The following ZRANB1 variants were observed in gnomAD, a reference collection of about 807,000 sequenced individuals.
ZRANB1 encodes the protein zinc finger RANBP2-type containing 1.
In ZRANB1, 16 loss-of-function variants were observed where a neutral mutation model predicts 80.5. The observed-to-expected ratio is 0.20, with a 90% CI of 0.13 to 0.30. The LOEUF (loss-of-function observed/expected upper bound fraction) is 0.30. Among genes scored for constraint, ZRANB1 ranks in the 10% least tolerant of loss-of-function variants. The pLI is 1.00. For synonymous variants in ZRANB1, 291 were observed against 293.1 expected (o/e 0.99, Z 0.07); for missense variants, 576 against 862.6 (o/e 0.67, Z 4.16).
chr10:124,973,496 A>G (rs1589853206), intron 3 of ZRANB1, 149 bp from the exon 4 acceptor site: 1 of 656,204 alleles, frequency 1.5e-6, no homozygotes, highest in East Asian at 2.8e-5. Context: ...TTACACTGGT[A>G]TATTAAGAAA....
Position 124,966,692 on chromosome 10 carries a change from C to T in ZRANB1, c.913C>T (p.Arg305Cys), listed in dbSNP as rs1330530753. The T allele has an allele frequency of 2.5e-6, 4 of 1,614,024 alleles. No homozygotes were observed. Among genetic ancestry groups the T allele is most frequent in the Non-Finnish European group, 3.4e-6 (4 of 1,180,028 alleles). Reference sequence around the variant, plus strand: ...CGCAGATGAAGTACGCTTGCTGAATCGTCCTTCTGCCTTTGATGTTGGCTA... The same window carrying T: ...CGCAGATGAAGTACGCTTGCTGAATTGTCCTTCTGCCTTTGATGTTGGCTA... The part of the protein sequence containing the change: ...LTADEVRLLN[R>C]PSAFDVGYTL... The change falls in exon 2 of 9, where the codon CGT becomes TGT. Residue 305 changes from arginine (R) to cysteine (C), a missense_variant. Physicochemically the swap from Arg to Cys is radical, Grantham distance 180. Coordinates refer to ENST00000359653, the MANE Select transcript of ZRANB1 (RefSeq NM_017580.3).
In ZRANB1 at chr10:124,983,108, G is replaced by T. The variant is rs927828126; in HGVS notation, c.1549-67G>T. On this transcript the variant is annotated intron_variant, in intron 6 of 8. Coordinates refer to ENST00000359653, the MANE Select transcript of ZRANB1 (RefSeq NM_017580.3). The surrounding 1 kb of genome is among the most constrained non-coding windows in gnomAD (Gnocchi z 6.2). ...AGTATACTGAAGGGGAGGTAGTATT[G>T]TTTTTTACACATCAGTTTTCCAGGA... is the stretch of plus-strand genomic sequence containing the variant. 2 of 1,536,820 alleles carry T rather than the reference G, an allele frequency of 1.3e-6. No homozygotes were observed. Among genetic ancestry groups the T allele is most frequent in the Non-Finnish European group, 1.8e-6 (2 of 1,141,208 alleles).
intron 1 of ZRANB1, chr10:124,945,477 T>G (rs180892479): frequency 1.1e-4 from 16 of 147,372 alleles, no homozygotes; most frequent in African/African-American, 3.8e-4. Context: ...CAAGGTGGTG[T>G]TATAGTACAT....
chr10:124,963,984 G>C (rs965165008), intron 1 of ZRANB1, among the ~76,000 whole-genome samples: 1 of 152,208 alleles, frequency 6.6e-6, no homozygotes, highest in Non-Finnish European at 1.5e-5. Context: ...ATTTCGTGCT[G>C]TCAAAAACTG....
At chr10:124,924,095 G>T in the ZRANB1 span, among the ~76,000 whole-genome samples, 1 of 150,962 alleles carries the variant, frequency 6.6e-6, no homozygotes. Context: ...TTTGAGATGG[G>T]GTCTTGGTAC....
chr10:124,974,983 A>G (rs1379511020), intron 5 of ZRANB1, among the ~76,000 whole-genome samples: 1 of 152,148 alleles, frequency 6.6e-6, no homozygotes, highest in African/African-American at 2.4e-5. Flanking sequence ...TTTTTGGTAG[A>G]GATGGAGTTT....
upstream of ZRANB1, among the ~76,000 whole-genome samples, chr10:124,938,516 G>A (rs1487858833): frequency 6.6e-6 from 1 of 151,894 alleles, no homozygotes; most frequent in Non-Finnish European, 1.5e-5. Context: ...TTGAAGAGAT[G>A]TGGTTTTGCC....
At chr10:124,951,062 T>C (rs1423286830) in intron 1 of ZRANB1, among the ~76,000 whole-genome samples, 1 of 152,178 alleles carries the variant, frequency 6.6e-6, no homozygotes, top group Non-Finnish European at 1.5e-5. Flanking sequence ...TAGCAAAGTG[T>C]AGGCGTATTA....
At chr10:124,946,538 G>A (rs903768269) in intron 1 of ZRANB1, 1 of 152,082 alleles carries the variant, frequency 6.6e-6, no homozygotes, top group Non-Finnish European at 1.5e-5. Flanking sequence ...GTTTCTACCT[G>A]CAAAGTTTCT....
the ZRANB1 span, among the ~76,000 whole-genome samples, chr10:124,930,887 C>T: frequency 1.3e-5 from 2 of 151,856 alleles, no homozygotes; most frequent in African/African-American, 2.4e-5. Flanking sequence ...AAAAATAGCT[C>T]GGTGTAATGG....
chr10:124,959,618 C>T (rs1327162692), intron 1 of ZRANB1, among the ~76,000 whole-genome samples: 1 of 152,066 alleles, frequency 6.6e-6, no homozygotes, highest in Non-Finnish European at 1.5e-5. Flanking sequence ...AGGTGCATGC[C>T]AGCACGCCTG....
At chr10:124,968,001 C>T (rs1951790563) in intron 2 of ZRANB1, among the ~76,000 whole-genome samples, 1 of 151,862 alleles carries the variant, frequency 6.6e-6, no homozygotes, top group East Asian at 1.9e-4. Context: ...TGGGTTCAAG[C>T]GAGTCTCCTT....
intron 5 of ZRANB1, among the ~76,000 whole-genome samples, chr10:124,978,951 C>CA (rs397751574): frequency 6.6e-6 from 1 of 151,380 alleles, no homozygotes. Context: ...ATAATTCCAG[C>CA]GCCTTGGGAA....
the ZRANB1 span, among the ~76,000 whole-genome samples, chr10:124,922,307 AT>A: frequency 9.7e-6 from 1 of 103,492 alleles, no homozygotes; most frequent in Non-Finnish European, 2.0e-5. Context: ...TAAAATATAT[AT>A]ATATATGTAA....
intron 1 of ZRANB1, among the ~76,000 whole-genome samples, chr10:124,961,420 G>C (rs990545903): frequency 2.6e-5 from 4 of 152,198 alleles, no homozygotes; most frequent in African/African-American, 9.7e-5. Context: ...GTTAACATTT[G>C]TCCCCATCTC....
In ZRANB1 at chr10:124,983,564, A is replaced by G. The variant is rs570806050; in HGVS notation, c.1784A>G (p.Asp595Gly). The G allele has an allele frequency of 4.3e-6, 7 of 1,614,140 alleles. No homozygotes were observed. In the South Asian group the frequency reaches 7.7e-5, roughly 18 times the overall value. ...TCTGCTTTGGTTGCCATGGAAAATGATGGCTATGGCAACCGAGGTGCTGGT... is the reference window on the plus strand; with the variant it reads ...TCTGCTTTGGTTGCCATGGAAAATGGTGGCTATGGCAACCGAGGTGCTGGT... ...HFSALVAMEN[D>G]GYGNRGAGAN... is the part of the protein sequence containing the mutation. The change falls in exon 8 of 9, where the codon GAT (aspartate) becomes GGT (glycine). Residue 595 changes from aspartate (D) to glycine (G), a missense_variant. Asp to Gly is a moderately conservative substitution (Grantham distance 94). Transcript: ENST00000359653. The surrounding 1 kb of genome is among the most constrained non-coding windows in gnomAD (Gnocchi z 6.2).
chr10:124,980,772 CT>C (rs928784674), intron 5 of ZRANB1, among the ~76,000 whole-genome samples: 16 of 151,626 alleles, frequency 1.1e-4, no homozygotes, highest in Non-Finnish European at 1.9e-4. Context: ...ACCCATTTAA[CT>C]TTTTTTTTCC....
upstream of ZRANB1, chr10:124,940,597 G>A (rs1351875690): frequency 8.4e-7 from 1 of 1,189,702 alleles, no homozygotes; most frequent in African/African-American, 1.6e-5. Flanking sequence ...TTCTTATAGT[G>A]ATTTTTTTTT....
At chr10:124,981,968 T>C (rs1314613583) in intron 6 of ZRANB1, 139 bp downstream of exon 6, 1 of 1,032,234 alleles carries the variant, frequency 9.7e-7, no homozygotes, top group East Asian at 2.6e-5. Context: ...TCAACTTGGG[T>C]TCTAGTGATG....
Sources: allele counts gnomAD v4.1 joint callset (sites outside exome capture counted in the v4.1 genomes callset), GRCh38; gene constraint gnomAD v4.1.1; non-coding constraint Gnocchi (gnomAD v3.1); transcripts MANE v1.5; gene names NCBI Gene and HGNC (gene_info 2026-07-23, HGNC 2026-07-21).